Variants in SNX29 observed in about 807,000 individuals in gnomAD.
SNX29 encodes sorting nexin-29.
In SNX29, 78 loss-of-function variants were observed where a neutral mutation model predicts 102.1. That is an observed-to-expected ratio of 0.76 (90% CI 0.64 to 0.92). The LOEUF (loss-of-function observed/expected upper bound fraction) is 0.92, where lower values mean the gene tolerates loss of function less well. Ranked by LOEUF, SNX29 falls within the 40% of genes least tolerant of loss-of-function variation. The pLI, the probability that SNX29 is intolerant of heterozygous loss-of-function variation, is 0.00. For synonymous variants in SNX29, 580 were observed against 414.5 expected (o/e 1.40, Z -4.85); for missense variants, 1,280 against 1,061.7 (o/e 1.21, Z -2.86).
intron 20 of SNX29, among the ~76,000 whole-genome samples, chr16:12,556,870 TGA>T (rs1320875142): frequency 6.6e-6 from 1 of 152,004 alleles, no homozygotes; most frequent in Non-Finnish European, 1.5e-5. Context: ...TTTTTTTTTT[TGA>T]GATAGGGTCT....
intron 18 of SNX29, among the ~76,000 whole-genome samples, chr16:12,404,491 G>T (rs1486373868): frequency 6.6e-6 from 1 of 152,092 alleles, no homozygotes; most frequent in Non-Finnish European, 1.5e-5. Flanking sequence ...TCAGTGCTGA[G>T]CCCCAGCTGC....
chr16:12,483,398 A>G (rs1052834565), intron 19 of SNX29, among the ~76,000 whole-genome samples: 10 of 150,336 alleles, frequency 6.7e-5, no homozygotes, highest in Non-Finnish European at 1.2e-4. Flanking sequence ...GCTCACTGCA[A>G]TCTCCGCCTC....
At chr16:12,068,217 C>G (rs2051125802) in intron 9 of SNX29, among the ~76,000 whole-genome samples, 1 of 152,122 alleles carries the variant, frequency 6.6e-6, no homozygotes, top group Non-Finnish European at 1.5e-5. Flanking sequence ...TTGCTCACAT[C>G]TGTAATCCCA....
intron 19 of SNX29, among the ~76,000 whole-genome samples, chr16:12,500,821 G>A (rs2089084525): frequency 6.6e-6 from 1 of 152,196 alleles, no homozygotes; most frequent in Admixed American, 6.5e-5. Context: ...ACTGTTGTGT[G>A]TCATTTTTGC....
intron 15 of SNX29, among the ~76,000 whole-genome samples, chr16:12,340,836 T>A (rs998602586): frequency 6.6e-6 from 1 of 152,154 alleles, no homozygotes; most frequent in African/African-American, 2.4e-5. Context: ...TGGAGAGTGT[T>A]CCTCAGTGTC....
chr16:12,185,665 T>C (rs765713932), intron 13 of SNX29, among the ~76,000 whole-genome samples: 1 of 152,234 alleles, frequency 6.6e-6, no homozygotes, highest in Non-Finnish European at 1.5e-5. Flanking sequence ...TGTTTCTGCC[T>C]GTAGTCTCAA....
intron 14 of SNX29, among the ~76,000 whole-genome samples, chr16:12,277,315 G>T (rs199969730): frequency 6.6e-6 from 1 of 152,034 alleles, no homozygotes; most frequent in Non-Finnish European, 1.5e-5. Flanking sequence ...CAGGAGGATC[G>T]TTTGAGCCCA....
At chr16:12,055,235 C>CTTTT (rs201288834) in intron 8 of SNX29, among the ~76,000 whole-genome samples, 1 of 139,188 alleles carries the variant, frequency 7.2e-6, no homozygotes, top group Non-Finnish European at 1.5e-5. Flanking sequence ...TGTTTCCTTT[C>CTTTT]TTTTTTTTTT....
At chr16:12,444,233 A>G (rs2085944753) in intron 18 of SNX29, among the ~76,000 whole-genome samples, 1 of 151,438 alleles carries the variant, frequency 6.6e-6, no homozygotes, top group Non-Finnish European at 1.5e-5. Context: ...AGCATGTGGT[A>G]AGCACTCAAT....
In SNX29 at chr16:12,572,241, A is replaced by G; in HGVS notation, c.*3612A>G. On this transcript the variant is annotated 3_prime_UTR_variant, in exon 21 of 21. Coordinates refer to ENST00000566228, the MANE Select transcript of SNX29 (RefSeq NM_032167.5). The stretch of plus-strand genomic sequence containing the variant: ...GAGGCTCCTGAAAGTCGTTTACACC[A>G]GGTGGATTGATACCATGGCTGTAGC... 3 of 1,042,436 alleles carry G rather than the reference A, an allele frequency of 2.9e-6. No homozygotes were observed. The highest frequency in any genetic ancestry group is 3.5e-6 in the Non-Finnish European group (3 of 859,090). The allele number at this position is 1,042,436 out of a possible 1,614,324, so 64.6% of individuals were successfully genotyped here. A position where few individuals can be genotyped will look rare whatever the true frequency, so the allele number is the denominator to read the frequency against.
chr16:12,457,713 C>A (rs1450549587), intron 18 of SNX29, among the ~76,000 whole-genome samples: 1 of 152,178 alleles, frequency 6.6e-6, no homozygotes, highest in East Asian at 1.9e-4. Flanking sequence ...CTTTGCAAGC[C>A]TGCAAGATGG....
intron 4 of SNX29, among the ~76,000 whole-genome samples, chr16:12,030,314 C>T (rs553811146): frequency 6.6e-6 from 1 of 152,326 alleles, no homozygotes; most frequent in African/African-American, 2.4e-5. Context: ...AACTCTGTCT[C>T]ATGAATGTCT....
chr16:12,126,451 G>C (rs2054217555), intron 11 of SNX29, among the ~76,000 whole-genome samples, 182 bp from the exon 12 acceptor site: 1 of 152,234 alleles, frequency 6.6e-6, no homozygotes, highest in East Asian at 1.9e-4. Flanking sequence ...CAGAGACTGT[G>C]CTCTAAAATC....
At chr16:12,026,269 C>G (rs2057188997) in intron 3 of SNX29, among the ~76,000 whole-genome samples, 1 of 152,200 alleles carries the variant, frequency 6.6e-6, no homozygotes, top group Non-Finnish European at 1.5e-5. Flanking sequence ...CACCTGCCAT[C>G]TCATCCTGTC....
intron 18 of SNX29, among the ~76,000 whole-genome samples, chr16:12,435,150 C>T (rs1460005446): frequency 1.3e-5 from 2 of 152,156 alleles, no homozygotes; most frequent in African/African-American, 4.8e-5. Context: ...AATGTGTGCA[C>T]CCTGCTGCCC....
intron 20 of SNX29, among the ~76,000 whole-genome samples, chr16:12,550,093 T>G (rs960570700): frequency 3.3e-5 from 5 of 152,220 alleles, no homozygotes; most frequent in Non-Finnish European, 7.3e-5. Flanking sequence ...TGCCAACCTA[T>G]GGGCTAGAAT....
chr16:12,530,044 A>G (rs2076890005), intron 20 of SNX29, among the ~76,000 whole-genome samples: 1 of 152,092 alleles, frequency 6.6e-6, no homozygotes, highest in Non-Finnish European at 1.5e-5. Context: ...TTCCATGGGC[A>G]AGTGTGTCCC....
At chr16:12,148,448 T>C (rs1185207754) in intron 13 of SNX29, among the ~76,000 whole-genome samples, 2 of 144,250 alleles carry the variant, frequency 1.4e-5, no homozygotes, top group African/African-American at 5.0e-5. Context: ...CCAAGTTTGT[T>C]AGGGAGTTGA....
At chr16:12,429,239 A>G (rs759851541) in intron 18 of SNX29, among the ~76,000 whole-genome samples, 1 of 152,190 alleles carries the variant, frequency 6.6e-6, no homozygotes, top group Non-Finnish European at 1.5e-5. Flanking sequence ...ACACACAGAT[A>G]TGATTACAAT....
Sources: gnomAD v4.1 joint callset for allele counts (sites outside exome capture counted in the v4.1 genomes callset) on GRCh38, gnomAD v4.1.1 for gene constraint, MANE v1.5 for transcripts, NCBI Gene and HGNC (gene_info 2026-07-23, HGNC 2026-07-21) for gene names.